The following PSG1 variants were observed in gnomAD, a reference collection of about 807,000 sequenced individuals.
PSG1 encodes pregnancy specific beta-1-glycoprotein 1.
In PSG1, 60 loss-of-function variants were observed where a neutral mutation model predicts 41.4. That is an observed-to-expected ratio of 1.45 (90% confidence interval 1.18 to 1.80). The LOEUF is 1.80. Ranked by LOEUF, PSG1 falls within the 40% of genes most tolerant of loss-of-function variation. The pLI is 0.00. For missense variants in PSG1, 806 were observed against 516.9 expected, an observed-to-expected ratio of 1.56 and a Z score of -5.42; for synonymous variants, 256 against 192.9, an observed-to-expected ratio of 1.33 and a Z score of -2.71.
intron 3 of PSG1, chr19:42,869,597 G>C (rs1398109528): frequency 6.3e-6 from 1 of 159,934 alleles, no homozygotes; most frequent in Non-Finnish European, 1.4e-5. Context: ...GGTCAGTTCA[G>C]TCATCAGGCA....
chr19:42,879,554 T>C lies in PSG1; in HGVS notation c.28A>G (p.Thr10Ala). The change falls in exon 1 of 6, where the codon ACA (threonine) becomes GCA (alanine). Residue 10 changes from threonine (T) to alanine (A), a missense_variant. Thr to Ala is a moderately conservative substitution (Grantham distance 58). Transcript: ENST00000436291. MGTLSAPPCTQRIKWKGLLL... is the reference protein window; with the variant it reads MGTLSAPPCAQRIKWKGLLL... The stretch of plus-strand genomic sequence containing the variant: ...AGCCCCTTCCATTTGATGCGCTGTG[T>C]GCAGGGAGGGGCTGAGAGGGTTCCC... 1.2e-6 allele frequency: 2 copies of C among 1,610,854 alleles called. No homozygotes were observed. The highest frequency in any genetic ancestry group is 1.7e-6 in the Non-Finnish European group (2 of 1,178,326).
intron 3 of PSG1, chr19:42,869,247 C>T (rs1947577783): frequency 1.8e-6 from 2 of 1,132,356 alleles, no homozygotes; most frequent in Non-Finnish European, 2.4e-6. Flanking sequence ...CACAGACTTT[C>T]TGAAGTGTCA....
At chr19:42,876,637 T>C in intron 2 of PSG1, 1 of 279,680 alleles carries the variant, frequency 3.6e-6, no homozygotes, top group South Asian at 4.0e-5. Context: ...CTTGATCCTC[T>C]CATGACAGTG....
Position 42,866,779 on chromosome 19 carries a change from T to C in PSG1, c.*355A>G. On this transcript the variant is annotated 3_prime_UTR_variant, in exon 6 of 6. Coordinates refer to ENST00000436291, the MANE Select transcript of PSG1 (RefSeq NM_001184825.2). ...GTTGTTACTCTCAGAAGCTACTACA[T>C]GTGAAATTCTAATGACTGCATTATC... 1.9e-6 allele frequency: 1 copy of C among 534,216 alleles called. No individual in the cohort carries two copies. The highest frequency in any genetic ancestry group is 3.1e-5 in the East Asian group (1 of 32,174). The allele number at this position is 534,216 out of a possible 1,614,324, so 33.1% of individuals were successfully genotyped here.
Position 42,867,119 on chromosome 19 carries a change from A to G in PSG1, c.*15T>C. The G allele has an allele frequency of 1.3e-6, 1 of 772,180 alleles. No homozygotes were observed. Among genetic ancestry groups the G allele is most frequent in the Non-Finnish European group, 2.4e-6 (1 of 417,512 alleles). 47.8% of individuals were successfully genotyped at this position (772,180 alleles called of 1,614,324 possible). ...ATTCCATGGGAGAAAATGGAATTGG[A>G]GGTACTAGTAGAATTCAGGGAACTG... On this transcript the variant is annotated 3_prime_UTR_variant, in exon 6 of 6. Coordinates refer to ENST00000436291, the MANE Select transcript of PSG1 (RefSeq NM_001184825.2).
chr19:42,871,692 G>A lies in PSG1; in HGVS notation c.709+75C>T, dbSNP rs534049918. ...AGGTCTCTGTATTGGACCTGAGAGG[G>A]ACAGAGAGGCCTGGCCTCTGGCCAC... On this transcript the variant is annotated intron_variant, in intron 3 of 5. Transcript: ENST00000436291. 9.7e-5 allele frequency: 156 copies of A among 1,612,226 alleles called. 6 individuals carry two copies. In the African/African-American group the frequency reaches 1.8e-3, roughly 18 times the overall value.
rs990131955 is a variant in PSG1, at chr19:42,873,542, T to G, written c.431-1497A>C. ...TGTTTTCATAAGTGGAAATTTTTAC[T>G]GATGGTCCAAACATCTAAGATCAAT... On this transcript the variant is annotated intron_variant, in intron 2 of 5. Transcript: ENST00000436291. Among the ~76,000 whole-genome samples the G allele has an allele frequency of 1.1e-4, 17 of 151,942 alleles. 1 individual carries two copies. Among genetic ancestry groups the G allele is most frequent in the Non-Finnish European group, 1.9e-4 (13 of 67,954 alleles).
In PSG1 at chr19:42,872,047, T is replaced by C. The variant is rs749544954; in HGVS notation, c.431-2A>G. On this transcript the variant is annotated splice_acceptor_variant, in intron 2 of 5. Coordinates refer to ENST00000436291, the MANE Select transcript of PSG1 (RefSeq NM_001184825.2). LOFTEE classifies it high-confidence loss of function. Reference sequence around the variant, plus strand: ...AGATGGAGGGCTTAGGAGTCTCCACTGTGCAGAAAACAGGGTGAAGATTGC... The same window carrying C: ...AGATGGAGGGCTTAGGAGTCTCCACCGTGCAGAAAACAGGGTGAAGATTGC... 2 of 1,608,058 alleles carry C rather than the reference T, an allele frequency of 1.2e-6. No individual in the cohort carries two copies. Among genetic ancestry groups the C allele is most frequent in the Non-Finnish European group, 1.7e-6 (2 of 1,176,984 alleles).
Position 42,868,789 on chromosome 19 carries a change from T to G in PSG1, c.955A>C (p.Ile319Leu), listed in dbSNP as rs28374299. Residue 319 changes from isoleucine to leucine, a missense_variant, in exon 4 of 6, where the codon ATC (isoleucine) becomes CTC (leucine). Transcript: ENST00000436291. ...TTCAGGGTGACTGGGTCACTGCGGATGCCACCATATCGGTCCCGTATTTCA... is the reference window on the plus strand; with the variant it reads ...TTCAGGGTGACTGGGTCACTGCGGAGGCCACCATATCGGTCCCGTATTTCA... Reference protein sequence around the residue: ...QCEIRDRYGGIRSDPVTLNVL... With the variant: ...QCEIRDRYGGLRSDPVTLNVL... 22 of 1,611,136 alleles carry G rather than the reference T, an allele frequency of 1.4e-5. No homozygotes were observed. Among genetic ancestry groups the G allele is most frequent in the East Asian group, 2.2e-5 (1 of 44,746 alleles).
chr19:42,872,742 T>C (rs540807842), intron 2 of PSG1, among the ~76,000 whole-genome samples: 1 of 151,802 alleles, frequency 6.6e-6, no homozygotes, highest in East Asian at 1.9e-4. Flanking sequence ...AGCTGATAGC[T>C]TTGGACCAAG....
intron 2 of PSG1, among the ~76,000 whole-genome samples, chr19:42,874,438 C>T (rs1971521328): frequency 6.6e-6 from 1 of 151,580 alleles, no homozygotes; most frequent in South Asian, 2.1e-4. Flanking sequence ...GCTCTGCCTC[C>T]TGGGTTCACA....
rs1456494653 is a variant in PSG1 at position 42,866,762 on chromosome 19, T to C, written c.*372A>G. Reference sequence around the variant, plus strand: ...GACATATCTGACACTCTGTTGTTACTCTCAGAAGCTACTACATGTGAAATT... The same window carrying C: ...GACATATCTGACACTCTGTTGTTACCCTCAGAAGCTACTACATGTGAAATT... On this transcript the variant is annotated 3_prime_UTR_variant, in exon 6 of 6. Transcript: ENST00000436291. 17 of 507,048 alleles carry C rather than the reference T, an allele frequency of 3.4e-5. No individual in the cohort carries two copies. Among genetic ancestry groups the C allele is most frequent in the Admixed American group, 1.3e-4 (4 of 30,444 alleles). The allele number at this position is 507,048 out of a possible 1,614,324, so 31.4% of individuals were successfully genotyped here. A position where few individuals can be genotyped will look rare whatever the true frequency, so the allele number is the denominator to read the frequency against.
intron 5 of PSG1, chr19:42,867,886 C>T: frequency 7.8e-6 from 11 of 1,410,270 alleles, no homozygotes; most frequent in Non-Finnish European, 1.1e-5. Flanking sequence ...GTTCTTCCTG[C>T]TTGGTCTAGG....
chr19:42,872,745 G>C (rs758275118), intron 2 of PSG1, among the ~76,000 whole-genome samples: 1 of 151,670 alleles, frequency 6.6e-6, no homozygotes, highest in Non-Finnish European at 1.5e-5. Flanking sequence ...TGATAGCTTT[G>C]GACCAAGACC....
chr19:42,869,003 G>C lies in PSG1; in HGVS notation c.741C>G (p.Asn247Lys). ...PKLPKPYITI[N>K]NLNPRENKDV... Reference sequence around the variant, plus strand: ...CCTTATTCTCCCTGGGGTTTAAGTTGTTGATGGTGATGTAGGGCTTGGGCA... The same window carrying C: ...CCTTATTCTCCCTGGGGTTTAAGTTCTTGATGGTGATGTAGGGCTTGGGCA... The change falls in exon 4 of 6, where the codon AAC becomes AAG. Residue 247 changes from asparagine to lysine, a missense_variant. Asn to Lys is a moderately conservative substitution (Grantham distance 94). Transcript: ENST00000436291. The C allele has an allele frequency of 6.2e-7, 1 of 1,610,792 alleles. No individual in the cohort carries two copies. The highest frequency in any genetic ancestry group is 1.1e-5 in the South Asian group (1 of 90,738).
Position 42,878,193 on chromosome 19 carries a change from A to T in PSG1, c.150T>A (p.Asp50Glu). 1.9e-6 allele frequency: 3 copies of T among 1,612,172 alleles called. No homozygotes were observed. Among genetic ancestry groups the T allele is most frequent in the Non-Finnish European group, 2.5e-6 (3 of 1,179,128 alleles). ...GCAAATTGTGGACAAGTAGAAGAACATCCTTCCCCTCGGAAACTTTGGTTG... is the reference window on the plus strand; with the variant it reads ...GCAAATTGTGGACAAGTAGAAGAACTTCCTTCCCCTCGGAAACTTTGGTTG... ...AEPTKVSEGK[D>E]VLLLVHNLPQ... Residue 50 changes from aspartate (D) to glutamate (E), a missense_variant, in exon 2 of 6, where the codon GAT (aspartate) becomes GAA (glutamate). Transcript: ENST00000436291.
intron 2 of PSG1, among the ~76,000 whole-genome samples, chr19:42,873,437 C>T (rs906380918): frequency 6.6e-6 from 1 of 151,256 alleles, no homozygotes; most frequent in Admixed American, 6.6e-5. Context: ...GTAATTTTTC[C>T]GTAAAAATTT....
intron 2 of PSG1, among the ~76,000 whole-genome samples, chr19:42,873,897 A>G (rs958796516): frequency 1.3e-5 from 2 of 151,712 alleles, no homozygotes; most frequent in Admixed American, 6.6e-5. Flanking sequence ...TCTTAAGCTC[A>G]GGAAACACCA....
rs1293314824 is a variant in PSG1 at position 42,875,514 on chromosome 19, C to A, written c.430+2399G>T. Among the ~76,000 whole-genome samples, 2 of 151,512 alleles carry A rather than the reference C, an allele frequency of 1.3e-5. 1 individual carries two copies. The highest frequency in any genetic ancestry group is 3.9e-4 in the East Asian group (2 of 5,158). ...TCTCATTCTTTTGCATTCTGGCAAC[C>A]GGCTGACCTCATCCATACCTATGAC... On this transcript the variant is annotated intron_variant, in intron 2 of 5. Transcript: ENST00000436291.
Sources: gnomAD v4.1 joint callset for allele counts (sites outside exome capture counted in the v4.1 genomes callset) on GRCh38, gnomAD v4.1.1 for gene constraint, MANE v1.5 for transcripts, NCBI Gene and HGNC (gene_info 2026-07-23, HGNC 2026-07-21) for gene names.